BEGAIN: variants seen among roughly 807,000 people sequenced by gnomAD.
BEGAIN encodes brain enriched guanylate kinase associated.
Under a neutral mutation model 35.8 loss-of-function variants are expected in BEGAIN, and 19 were observed. That is an observed-to-expected ratio of 0.53 (90% CI 0.37 to 0.78). The LOEUF is 0.78. Ranked by LOEUF, BEGAIN falls within the 30% of genes least tolerant of loss-of-function variation. The pLI is 0.00. For synonymous variants in BEGAIN, 462 were observed against 388.6 expected (o/e 1.19, Z -2.22); for missense variants, 795 against 853.6 (o/e 0.93, Z 0.85).
intron 5 of BEGAIN, among the ~76,000 whole-genome samples, chr14:100,543,296 T>G (rs1000837546): frequency 6.7e-6 from 1 of 149,866 alleles, no homozygotes; most frequent in Non-Finnish European, 1.5e-5. Context: ...CCAGAGGTGT[T>G]TTTTTTTTTG....
At chr14:100,542,946 A>G (rs2031847651) in intron 5 of BEGAIN, among the ~76,000 whole-genome samples, 1 of 152,128 alleles carries the variant, frequency 6.6e-6, no homozygotes. Context: ...AGCCTCTACA[A>G]CATTGCCTCC....
In BEGAIN at chr14:100,557,378, C is replaced by T. The variant is rs1167557117; in HGVS notation, c.71+10533G>A. ...GAGATGACCGCCATGGCGGCGGCTG[C>T]CCTGCTAGAGGCAGGAGGGGAGTCA... is the stretch of plus-strand genomic sequence containing the variant. On this transcript the variant is annotated intron_variant, in intron 2 of 6. Coordinates refer to ENST00000554140, the MANE Select transcript of BEGAIN (RefSeq NM_001385089.1). Among the ~76,000 whole-genome samples the T allele has an allele frequency of 1.2e-4, 19 of 152,380 alleles. No homozygotes were observed. In the South Asian group the frequency reaches 2.9e-3, roughly 23 times the overall value.
chr14:100,576,329 C>T (rs1188066176), intron 1 of BEGAIN, among the ~76,000 whole-genome samples: 2 of 152,200 alleles, frequency 1.3e-5, no homozygotes, highest in East Asian at 3.9e-4. Context: ...AGTGCCTGGG[C>T]CCAACCCGGC....
chr14:100,567,409 T>C lies in BEGAIN; in HGVS notation c.71+502A>G, dbSNP rs2034784355. On this transcript the variant is annotated intron_variant, in intron 2 of 6. Coordinates refer to ENST00000554140, the MANE Select transcript of BEGAIN (RefSeq NM_001385089.1). The surrounding 1 kb of genome is among the most constrained non-coding windows in gnomAD (Gnocchi z 5.1). ...GGCTGCCTGGTCCAGCCGCGAGGAC[T>C]CCATCCCCCACCCCCGCCCCCCAGA... 6.7e-6 allele frequency among the ~76,000 whole-genome samples: 1 copy of C among 150,102 alleles called. No individual in the cohort carries two copies. Among genetic ancestry groups the C allele is most frequent in the Non-Finnish European group, 1.5e-5 (1 of 67,410 alleles).
In BEGAIN at chr14:100,567,828, G is replaced by GA; in HGVS notation, c.71+82dup. ...GGGCCCTGGGGGATGCGCTCGGGTG[G>GA]AGCCCCCTTCCCCCGCCTTCCCCAG... On this transcript the variant is annotated intron_variant, in intron 2 of 6. Coordinates refer to ENST00000554140, the MANE Select transcript of BEGAIN (RefSeq NM_001385089.1). This position sits in a 1 kb window ranked among gnomAD's most constrained non-coding sequence, Gnocchi z 5.1. 7.3e-7 allele frequency: 1 copy of GA among 1,375,410 alleles called. No homozygotes were observed. Among genetic ancestry groups the GA allele is most frequent in the East Asian group, 3.4e-5 (1 of 29,308 alleles). 85.2% of individuals were successfully genotyped at this position (1,375,410 alleles called of 1,614,324 possible). A position where few individuals can be genotyped will look rare whatever the true frequency, so the allele number is the denominator to read the frequency against.
chr14:100,582,301 T>A (rs1013090180), intron 1 of BEGAIN, among the ~76,000 whole-genome samples: 3 of 152,094 alleles, frequency 2.0e-5, no homozygotes, highest in Non-Finnish European at 4.4e-5. Context: ...CGCACCACCA[T>A]GCCCAGCTAA....
At chr14:100,561,323 C>T (rs1426502058) in intron 2 of BEGAIN, among the ~76,000 whole-genome samples, 2 of 152,204 alleles carry the variant, frequency 1.3e-5, no homozygotes, top group South Asian at 2.1e-4. Flanking sequence ...GGGCAGGCCA[C>T]AACAGCAAGG....
intron 1 of BEGAIN, among the ~76,000 whole-genome samples, chr14:100,571,102 C>T (rs188071301): frequency 9.2e-5 from 14 of 152,314 alleles, no homozygotes; most frequent in African/African-American, 2.4e-4. Context: ...AGTCCTTCCC[C>T]GCCTCTGGGC....
chr14:100,576,533 G>A (rs1437632548), intron 1 of BEGAIN, among the ~76,000 whole-genome samples: 2 of 152,160 alleles, frequency 1.3e-5, no homozygotes, highest in African/African-American at 4.8e-5. Context: ...AGCCTTCCTG[G>A]GTGGCTACAG....
chr14:100,573,532 G>T lies in BEGAIN; in HGVS notation c.43-5593C>A, dbSNP rs1024239613. On this transcript the variant is annotated intron_variant, in intron 1 of 6. Coordinates refer to ENST00000554140, the MANE Select transcript of BEGAIN (RefSeq NM_001385089.1). The surrounding 1 kb of genome is among the most constrained non-coding windows in gnomAD (Gnocchi z 4.2). ...CACCACTGTGTGGAGAGGGGCAAGT[G>T]CAGGACCCCAGGGCATCCAGCCAGG... Among the ~76,000 whole-genome samples the T allele has an allele frequency of 1.3e-4, 20 of 152,188 alleles. No individual in the cohort carries two copies. Among genetic ancestry groups the T allele is most frequent in the Non-Finnish European group, 2.8e-4 (19 of 68,002 alleles).
chr14:100,542,755 G>T (rs1205147648), intron 5 of BEGAIN, among the ~76,000 whole-genome samples: 1 of 152,182 alleles, frequency 6.6e-6, no homozygotes, highest in East Asian at 1.9e-4. Context: ...ATCATCTTTT[G>T]GACTATGGTC....
intron 1 of BEGAIN, chr14:100,578,049 G>T: frequency 5.0e-6 from 2 of 398,314 alleles, no homozygotes; most frequent in Non-Finnish European, 8.8e-6. Context: ...CTTGGGGGCT[G>T]TGCCTCCCGT....
intron 2 of BEGAIN, among the ~76,000 whole-genome samples, chr14:100,554,087 C>T (rs2033469461): frequency 2.6e-5 from 4 of 152,202 alleles, no homozygotes; most frequent in African/African-American, 4.8e-5. Flanking sequence ...GGGGCCCTGC[C>T]GGGCTGGGGG....
At chr14:100,552,768 G>A (rs923014904) in intron 2 of BEGAIN, among the ~76,000 whole-genome samples, 1 of 152,210 alleles carries the variant, frequency 6.6e-6, no homozygotes, top group Non-Finnish European at 1.5e-5. Flanking sequence ...CCCTAGGGAC[G>A]ACCTGTCTCA....
chr14:100,568,100 C>T lies in BEGAIN; in HGVS notation c.43-161G>A. 9.6e-7 allele frequency: 1 copy of T among 1,040,274 alleles called. No homozygotes were observed. Among genetic ancestry groups the T allele is most frequent in the Non-Finnish European group, 1.2e-6 (1 of 867,228 alleles). The allele number at this position is 1,040,274 out of a possible 1,614,324, so 64.4% of individuals were successfully genotyped here. ...CCCCAGCTTCCAGTCCCGGCCGCGG[C>T]CCCCGTGACTCAGTGGGCGCGCCGG... is the stretch of plus-strand genomic sequence containing the variant. On this transcript the variant is annotated intron_variant, in intron 1 of 6. Coordinates refer to ENST00000554140, the MANE Select transcript of BEGAIN (RefSeq NM_001385089.1). This position sits in a 1 kb window ranked among gnomAD's most constrained non-coding sequence, Gnocchi z 7.5.
intron 1 of BEGAIN, among the ~76,000 whole-genome samples, chr14:100,576,999 T>C (rs1595151354): frequency 6.6e-6 from 1 of 152,226 alleles, no homozygotes; most frequent in African/African-American, 2.4e-5. Context: ...TGTGGGGTTG[T>C]GTCAGGTTCA....
At position 100,563,020 on chromosome 14, in the gene BEGAIN, G is replaced by A. The variant is rs991568530; in HGVS notation, c.71+4891C>T. Among the ~76,000 whole-genome samples, 1 of 152,210 alleles carries A rather than the reference G, an allele frequency of 6.6e-6. No homozygotes were observed. The highest frequency in any genetic ancestry group is 1.5e-5 in the Non-Finnish European group (1 of 68,032). On this transcript the variant is annotated intron_variant, in intron 2 of 6. Coordinates refer to ENST00000554140, the MANE Select transcript of BEGAIN (RefSeq NM_001385089.1). This position sits in a 1 kb window ranked among gnomAD's most constrained non-coding sequence, Gnocchi z 4.2. ...CACGCGGGAGACTTGGGTGGGAGAGGGTGCCCTTTGAGGGGGGGCGTGGAG... is the reference window on the plus strand; with the variant it reads ...CACGCGGGAGACTTGGGTGGGAGAGAGTGCCCTTTGAGGGGGGGCGTGGAG...
Position 100,538,046 on chromosome 14 carries a change from G to A in BEGAIN, c.1762C>T (p.Pro588Ser). Reference protein sequence around the residue: ...AARLSPQQAFPRTGGSGLSRK... With the variant: ...AARLSPQQAFSRTGGSGLSRK... ...CTCAGCCCCGAGCCACCAGTCCGCG[G>A]AAAGGCCTGCTGGGGGCTGAGGCGG... Residue 588 changes from proline to serine, a missense_variant, in exon 7 of 7, where the codon CCG becomes TCG. Physicochemically the swap from Pro to Ser is moderately conservative, Grantham distance 74 (BLOSUM62 -1). This residue lies in a region of BEGAIN where 664 missense variants were observed against 647.7 expected (regional missense o/e 1.03). Coordinates refer to ENST00000554140, the MANE Select transcript of BEGAIN (RefSeq NM_001385089.1). 6.2e-7 allele frequency: 1 copy of A among 1,607,872 alleles called. No individual in the cohort carries two copies. Among genetic ancestry groups the A allele is most frequent in the Non-Finnish European group, 8.5e-7 (1 of 1,178,112 alleles).
chr14:100,557,286 G>C (rs116543082), intron 2 of BEGAIN, among the ~76,000 whole-genome samples: 1 of 152,216 alleles, frequency 6.6e-6, no homozygotes, highest in Non-Finnish European at 1.5e-5. Flanking sequence ...AGGAGGCATC[G>C]GGGCAGGGAA....
Sources: allele counts gnomAD v4.1 joint callset (sites outside exome capture counted in the v4.1 genomes callset), GRCh38; gene constraint gnomAD v4.1.1; regional missense constraint gnomAD v4.1.1; non-coding constraint Gnocchi (gnomAD v3.1); transcripts MANE v1.5; gene names NCBI Gene and HGNC (gene_info 2026-07-23, HGNC 2026-07-21).